Variants in LRRC69 observed in about 807,000 individuals in gnomAD.
LRRC69 encodes leucine-rich repeat-containing protein 69.
LRRC69 carries 42 observed loss-of-function variants against 37.8 expected under a neutral mutation model. That is an observed-to-expected ratio of 1.11 (90% CI 0.87 to 1.44). The LOEUF is 1.44. Among genes scored for constraint, LRRC69 ranks in the 40% most tolerant of loss-of-function variants. The pLI, the probability that LRRC69 is intolerant of heterozygous loss-of-function variation, is 0.00. For missense variants in LRRC69, 357 were observed against 401.9 expected (o/e 0.89, Z 0.96); for synonymous variants, 141 against 143.1 (o/e 0.99, Z 0.11).
At chr8:91,122,464 A>T (rs1336779075) in intron 1 of LRRC69, among the ~76,000 whole-genome samples, 1 of 152,102 alleles carries the variant, frequency 6.6e-6, no homozygotes, top group Admixed American at 6.6e-5. Context: ...CCTACTTCAC[A>T]TCTAGGTATC....
chr8:91,193,756 A>G (rs1259825949), intron 6 of LRRC69, among the ~76,000 whole-genome samples: 2 of 139,974 alleles, frequency 1.4e-5, no homozygotes, highest in East Asian at 4.2e-4. Context: ...GGGCTGAGAC[A>G]ATGGGGTTTT....
chr8:91,171,960 A>T (rs997043551), intron 5 of LRRC69, among the ~76,000 whole-genome samples: 16 of 144,738 alleles, frequency 1.1e-4, no homozygotes, highest in Non-Finnish European at 1.4e-4. Context: ...TTTTTTTTTT[A>T]AAAAATGGAA....
intron 5 of LRRC69, among the ~76,000 whole-genome samples, chr8:91,174,323 G>A (rs1222176405): frequency 2.0e-5 from 3 of 152,154 alleles, no homozygotes; most frequent in Non-Finnish European, 2.9e-5. Context: ...TTAAAGGAAG[G>A]TGAAGAAAAG....
chr8:91,105,108 A>T (rs745488613), intron 1 of LRRC69, among the ~76,000 whole-genome samples: 45 of 151,996 alleles, frequency 3.0e-4, no homozygotes, highest in Non-Finnish European at 5.9e-4. Flanking sequence ...TAAGAATTCA[A>T]CTGATTTGCA....
intron 5 of LRRC69, among the ~76,000 whole-genome samples, chr8:91,150,567 C>T (rs1393078921): frequency 3.3e-5 from 5 of 151,928 alleles, no homozygotes; most frequent in Admixed American, 2.6e-4. Flanking sequence ...GTGTCTCTGC[C>T]AGGCTTTGGT....
intron 1 of LRRC69, among the ~76,000 whole-genome samples, chr8:91,116,103 A>G (rs1175438800): frequency 6.6e-6 from 1 of 152,042 alleles, no homozygotes; most frequent in Non-Finnish European, 1.5e-5. Context: ...TAAATTTGAA[A>G]ACTAGTAAAG....
intron 1 of LRRC69, among the ~76,000 whole-genome samples, chr8:91,124,247 TA>T (rs1813678707): frequency 6.6e-6 from 1 of 152,026 alleles, no homozygotes. Flanking sequence ...GTTAGTAATA[TA>T]ATTTTAATGA....
intron 5 of LRRC69, among the ~76,000 whole-genome samples, chr8:91,184,012 T>C (rs1809365668): frequency 6.6e-6 from 1 of 152,164 alleles, no homozygotes; most frequent in Non-Finnish European, 1.5e-5. Flanking sequence ...TTGGCACGTG[T>C]CTCACATACC....
At chr8:91,184,220 A>C (rs1330725164) in intron 5 of LRRC69, among the ~76,000 whole-genome samples, 1 of 152,286 alleles carries the variant, frequency 6.6e-6, no homozygotes. Context: ...TGGAGGCTAC[A>C]GTGAGCTGAG....
At chr8:91,137,342 T>G (rs1808440297) in intron 5 of LRRC69, among the ~76,000 whole-genome samples, 1 of 152,054 alleles carries the variant, frequency 6.6e-6, no homozygotes, top group Non-Finnish European at 1.5e-5. Context: ...CTACGGTATT[T>G]CTATGGTATG....
At chr8:91,175,396 G>A (rs1809206337) in intron 5 of LRRC69, among the ~76,000 whole-genome samples, 1 of 152,012 alleles carries the variant, frequency 6.6e-6, no homozygotes, top group African/African-American at 2.4e-5. Flanking sequence ...ACTTCAACGT[G>A]CACATAGCCC....
chr8:91,176,134 A>ATATATATATATATTTTTT, intron 5 of LRRC69, among the ~76,000 whole-genome samples: 31 of 75,694 alleles, frequency 4.1e-4, no homozygotes, highest in East Asian at 1.0e-3. Flanking sequence ...ATATATATAT[A>ATATATATATATATTTTTT]TTTTTTTTTT....
At chr8:91,189,665 C>A in intron 6 of LRRC69, 42 bp downstream of exon 6, 2 of 1,312,692 alleles carry the variant, frequency 1.5e-6, no homozygotes, top group Non-Finnish European at 2.1e-6. Flanking sequence ...AAACTAAAGC[C>A]ACAATTTAAA....
chr8:91,124,718 CTTTTTTTG>C, intron 2 of LRRC69, 99 bp downstream of exon 2: 1 of 1,097,236 alleles, frequency 9.1e-7, no homozygotes, highest in Non-Finnish European at 1.3e-6. Flanking sequence ...CATGTTTAAT[CTTTTTTTG>C]TTGGAGATAT....
chr8:91,127,262 T>C, intron 3 of LRRC69, 102 bp downstream of exon 3: 1 of 832,140 alleles, frequency 1.2e-6, no homozygotes, highest in Non-Finnish European at 1.9e-6. Context: ...CCCTGTGAGA[T>C]TTATACATAG....
exon 1 of LRRC69, chr8:91,102,746 A>G: frequency 6.4e-7 from 1 of 1,551,948 alleles, no homozygotes; most frequent in South Asian, 1.2e-5. Flanking sequence ...GATGACAAAG[A>G]TGCCCTCAGC....
At chr8:91,200,501 T>C (rs535715419) in intron 6 of LRRC69, 112 bp from the exon 7 acceptor site, 104 of 664,880 alleles carry the variant, frequency 1.6e-4, no homozygotes, top group Non-Finnish European at 2.0e-4. Flanking sequence ...AATCTTAATT[T>C]AACAGAATCT....
chr8:91,147,511 C>T, intron 5 of LRRC69, among the ~76,000 whole-genome samples: 1 of 151,412 alleles, frequency 6.6e-6, no homozygotes, highest in Non-Finnish European at 1.5e-5. Flanking sequence ...CTTAAGCTAT[C>T]TTCCCACTTC....
At chr8:91,215,681 T>C (rs1810031838) in intron 7 of LRRC69, among the ~76,000 whole-genome samples, 1 of 152,204 alleles carries the variant, frequency 6.6e-6, no homozygotes, top group Admixed American at 6.6e-5. Context: ...CCAACTCCTT[T>C]TCCTATTCAC....
Sources: gnomAD v4.1 joint callset for allele counts (sites outside exome capture counted in the v4.1 genomes callset) on GRCh38, gnomAD v4.1.1 for gene constraint, MANE v1.5 for transcripts, NCBI Gene and HGNC (gene_info 2026-07-23, HGNC 2026-07-21) for gene names.